The following DGKB variants were observed in gnomAD, a reference collection of about 807,000 sequenced individuals.
DGKB encodes 90 kDa diacylglycerol kinase.
DGKB carries 67 observed loss-of-function variants against 114.3 expected under a neutral mutation model. The ratio of observed to expected loss-of-function variants is 0.59; its 90% CI spans 0.48 to 0.72. The LOEUF (loss-of-function observed/expected upper bound fraction) is 0.72, where lower values mean the gene tolerates loss of function less well. Among genes scored for constraint, DGKB ranks in the 30% least tolerant of loss-of-function variants. DGKB has a pLI of 0.00. For synonymous variants in DGKB, 398 were observed against 323.1 expected (o/e 1.23, Z -2.49); for missense variants, 907 against 975.2 (o/e 0.93, Z 0.93).
intron 13 of DGKB, among the ~76,000 whole-genome samples, chr7:14,669,096 C>T (rs1172517285): frequency 6.6e-6 from 1 of 152,152 alleles, no homozygotes; most frequent in Non-Finnish European, 1.5e-5. Flanking sequence ...TCTTACACAT[C>T]TTGCACCATC....
intron 5 of DGKB, among the ~76,000 whole-genome samples, chr7:14,720,974 A>G (rs910237613): frequency 6.6e-6 from 1 of 152,184 alleles, no homozygotes; most frequent in Non-Finnish European, 1.5e-5. Flanking sequence ...CATGACCATA[A>G]CTTTCAGACT....
At chr7:14,932,086 TCA>T (rs756952331) in intron 1 of DGKB, among the ~76,000 whole-genome samples, 11 of 152,166 alleles carry the variant, frequency 7.2e-5, no homozygotes, top group Non-Finnish European at 1.6e-4. Flanking sequence ...AAGTTTCTTT[TCA>T]CAGTCTCCCA....
intron 1 of DGKB, among the ~76,000 whole-genome samples, chr7:14,875,590 G>A (rs921785920): frequency 2.6e-5 from 4 of 152,122 alleles, no homozygotes; most frequent in Non-Finnish European, 5.9e-5. Flanking sequence ...TGATCTTCTT[G>A]CTCAGTAATT....
intron 2 of DGKB, among the ~76,000 whole-genome samples, chr7:14,805,422 T>G (rs951897102): frequency 2.0e-5 from 3 of 152,114 alleles, no homozygotes; most frequent in African/African-American, 4.8e-5. Context: ...GCACTTCATT[T>G]TTAAAGTTCT....
chr7:14,366,982 T>C (rs752570100), intron 21 of DGKB, among the ~76,000 whole-genome samples: 1 of 152,114 alleles, frequency 6.6e-6, no homozygotes, highest in Non-Finnish European at 1.5e-5. Context: ...ATTTTCATAG[T>C]CTACAATGGT....
chr7:14,764,992 C>T (rs1016806005), intron 2 of DGKB, among the ~76,000 whole-genome samples: 8 of 151,856 alleles, frequency 5.3e-5, no homozygotes, highest in Non-Finnish European at 1.0e-4. Context: ...CAATAAGAAA[C>T]AGAAGTTTTT....
chr7:14,763,793 C>A (rs775231217), intron 2 of DGKB, among the ~76,000 whole-genome samples: 21 of 152,042 alleles, frequency 1.4e-4, no homozygotes, highest in Non-Finnish European at 2.6e-4. Flanking sequence ...ACCCAACTTA[C>A]AAAATGCATT....
chr7:14,749,803 T>C (rs1448637554), intron 4 of DGKB, among the ~76,000 whole-genome samples: 1 of 152,200 alleles, frequency 6.6e-6, no homozygotes, highest in Non-Finnish European at 1.5e-5. Flanking sequence ...CCTTTGTATA[T>C]ATAATTTCAA....
In DGKB at chr7:14,580,731, T is replaced by C. The variant is rs540632502; in HGVS notation, c.1609+131A>G. 40 of 503,496 alleles carry C rather than the reference T, an allele frequency of 7.9e-5. No individual in the cohort carries two copies. In the East Asian group the frequency reaches 1.1e-3, roughly 14 times the overall value. 31.2% of individuals were successfully genotyped at this position (503,496 alleles called of 1,614,324 possible). Reference sequence around the variant, plus strand: ...TATCCAAGACTATTGTTCAAAATCATATATTATATATACCACATCAGTTAT... The same window carrying C: ...TATCCAAGACTATTGTTCAAAATCACATATTATATATACCACATCAGTTAT... On this transcript the variant is annotated intron_variant, in intron 19 of 25. Transcript: ENST00000402815.
intron 13 of DGKB, among the ~76,000 whole-genome samples, chr7:14,633,555 T>A (rs1461106636): frequency 6.6e-6 from 1 of 151,938 alleles, no homozygotes; most frequent in Non-Finnish European, 1.5e-5. Flanking sequence ...AAGTAGAAAC[T>A]TATTAGAAAA....
At chr7:14,357,391 C>A (rs1263341150) in intron 21 of DGKB, among the ~76,000 whole-genome samples, 1 of 152,148 alleles carries the variant, frequency 6.6e-6, no homozygotes, top group Non-Finnish European at 1.5e-5. Context: ...GGTTTAAAGT[C>A]TGTTTTATCA....
chr7:14,487,695 G>A (rs7777868), intron 20 of DGKB, among the ~76,000 whole-genome samples: 48,351 of 149,430 alleles, frequency 0.32, 8,329 homozygotes, highest in South Asian at 0.41. Context: ...TTGAACTCCT[G>A]GGCTCCAGTG....
intron 2 of DGKB, among the ~76,000 whole-genome samples, chr7:14,829,699 G>C (rs1412193830): frequency 3.3e-5 from 5 of 152,086 alleles, no homozygotes; most frequent in Admixed American, 3.3e-4. Context: ...TCATACTGTA[G>C]ATAAGGTAAC....
chr7:14,228,024 T>C (rs1433056069), intron 23 of DGKB, among the ~76,000 whole-genome samples: 1 of 152,012 alleles, frequency 6.6e-6, no homozygotes, highest in Non-Finnish European at 1.5e-5. Flanking sequence ...AGCTACAGTA[T>C]AGAGTAGTTT....
At chr7:14,244,422 T>A (rs906965091) in intron 23 of DGKB, among the ~76,000 whole-genome samples, 1 of 151,784 alleles carries the variant, frequency 6.6e-6, no homozygotes, top group African/African-American at 2.4e-5. Context: ...TTTGGGAGGC[T>A]GAGGTGGGCG....
chr7:14,280,336 G>A (rs1439493737), intron 23 of DGKB, among the ~76,000 whole-genome samples: 1 of 152,004 alleles, frequency 6.6e-6, no homozygotes, highest in African/African-American at 2.4e-5. Context: ...AACGAGCAAA[G>A]CCTCCAAGAA....
At chr7:14,321,054 G>C (rs1246697935) in intron 23 of DGKB, among the ~76,000 whole-genome samples, 2 of 152,130 alleles carry the variant, frequency 1.3e-5, no homozygotes, top group East Asian at 1.9e-4. Context: ...ACTTTGGGAG[G>C]ATGAGGCGGG....
At position 14,757,670 on chromosome 7, in the gene DGKB, C is replaced by T. The variant is rs376889279; in HGVS notation, c.132G>A (p.Lys44=). 10 of 1,599,066 alleles carry T rather than the reference C, an allele frequency of 6.3e-6. No individual in the cohort carries two copies. The African/African-American group carries it at 6.7e-5, about 11-fold the overall frequency. Residue 44 remains lysine, a synonymous_variant, in exon 3 of 26, where the codon AAG becomes AAA. Transcript: ENST00000402815. ...GAAGTTTTACCCCTTCAGGATTATA[C>T]TTTGCAAGCACACCATTACCATGGA... The part of the protein sequence containing the change: ...EEFHGNGVLA[K]YNPEGKQDIL...
intron 21 of DGKB, among the ~76,000 whole-genome samples, chr7:14,477,134 G>A (rs1782304337): frequency 6.6e-6 from 1 of 152,154 alleles, no homozygotes; most frequent in African/African-American, 2.4e-5. Flanking sequence ...TATGCATAAA[G>A]TAGTGCAATT....
Sources: gnomAD v4.1 joint callset for allele counts (sites outside exome capture counted in the v4.1 genomes callset) on GRCh38, gnomAD v4.1.1 for gene constraint, MANE v1.5 for transcripts, NCBI Gene and HGNC (gene_info 2026-07-23, HGNC 2026-07-21) for gene names.